Variants in SLC35F3 observed in about 807,000 individuals in gnomAD.
SLC35F3 encodes the protein solute carrier family 35 member F3.
Under a neutral mutation model 49.9 loss-of-function variants are expected in SLC35F3, and 25 were observed. That is an observed-to-expected ratio of 0.50 (90% CI 0.37 to 0.70). The LOEUF (loss-of-function observed/expected upper bound fraction) is 0.70, where lower values mean the gene tolerates loss of function less well. SLC35F3 is among the 30% of genes least tolerant of loss of function. SLC35F3 has a pLI of 0.00. For synonymous variants in SLC35F3, 275 were observed against 265.4 expected (o/e 1.04, Z -0.35); for missense variants, 525 against 639.8 (o/e 0.82, Z 1.94).
At chr1:234,193,824 G>T (rs931472060) in intron 2 of SLC35F3, among the ~76,000 whole-genome samples, 12 of 152,042 alleles carry the variant, frequency 7.9e-5, no homozygotes, top group Admixed American at 2.6e-4. Flanking sequence ...TATACAAATG[G>T]CCAACAAACA....
intron 2 of SLC35F3, among the ~76,000 whole-genome samples, chr1:233,993,670 C>T (rs770777432): frequency 1.3e-5 from 2 of 152,124 alleles, no homozygotes; most frequent in Admixed American, 6.5e-5. Context: ...GGGGCAGAGT[C>T]GAGCCCAGAG....
intron 3 of SLC35F3, among the ~76,000 whole-genome samples, chr1:234,298,609 C>A (rs969010953): frequency 6.6e-6 from 1 of 152,130 alleles, no homozygotes; most frequent in Non-Finnish European, 1.5e-5. Context: ...TTTTAAAATA[C>A]GTAAATTTCT....
intron 2 of SLC35F3, among the ~76,000 whole-genome samples, chr1:233,953,132 TC>T (rs1202892563): frequency 1.3e-5 from 2 of 152,014 alleles, no homozygotes; most frequent in Non-Finnish European, 2.9e-5. Context: ...GCCTGGGAGA[TC>T]AGCTGGAAAC....
At chr1:234,286,821 C>T (rs762890046) in intron 3 of SLC35F3, among the ~76,000 whole-genome samples, 4 of 152,090 alleles carry the variant, frequency 2.6e-5, no homozygotes, top group Non-Finnish European at 2.9e-5. Context: ...ATGACAAAGG[C>T]GGATTTCCTC....
chr1:233,912,497 A>G (rs991092626), intron 2 of SLC35F3, among the ~76,000 whole-genome samples: 1 of 151,988 alleles, frequency 6.6e-6, no homozygotes, highest in African/African-American at 2.4e-5. Context: ...AAACAAAGAA[A>G]CAAACAAACA....
At chr1:233,982,765 A>G (rs1663206358) in intron 2 of SLC35F3, among the ~76,000 whole-genome samples, 1 of 152,224 alleles carries the variant, frequency 6.6e-6, no homozygotes, top group Non-Finnish European at 1.5e-5. Context: ...TTGGCAATGA[A>G]CAAACATCAT....
At chr1:233,934,259 C>A (rs1043150752) in intron 2 of SLC35F3, among the ~76,000 whole-genome samples, 1 of 152,142 alleles carries the variant, frequency 6.6e-6, no homozygotes, top group South Asian at 2.1e-4. Flanking sequence ...AAACTGAGTG[C>A]CCCAGGGGTT....
At chr1:234,062,575 C>G (rs1000939542) in intron 2 of SLC35F3, among the ~76,000 whole-genome samples, 1 of 152,166 alleles carries the variant, frequency 6.6e-6, no homozygotes, top group African/African-American at 2.4e-5. Context: ...TTGATTGTGC[C>G]CTTAGGCCTG....
rs1657349500 is a variant in SLC35F3 at position 234,311,313 on chromosome 1, A to G, written c.828+1993A>G. Among the ~76,000 whole-genome samples the G allele has an allele frequency of 2.0e-5, 3 of 152,174 alleles. No homozygotes were observed. The South Asian group carries it at 6.2e-4, about 31-fold the overall frequency. ...GATTCTCCTTGATAAACAGATGGAG[A>G]TTTAGTTCCAAGATAATATCTAACT... On this transcript the variant is annotated intron_variant, in intron 4 of 7. Transcript: ENST00000366618.
intron 2 of SLC35F3, among the ~76,000 whole-genome samples, chr1:234,090,967 T>C (rs1352734520): frequency 2.6e-5 from 4 of 152,228 alleles, no homozygotes; most frequent in African/African-American, 9.6e-5. Context: ...ACATATTTTC[T>C]TCAAGGGTTC....
intron 2 of SLC35F3, among the ~76,000 whole-genome samples, chr1:233,970,180 A>G (rs1388636233): frequency 6.6e-6 from 1 of 152,170 alleles, no homozygotes; most frequent in Non-Finnish European, 1.5e-5. Context: ...CTGGTGCACC[A>G]CTAATTGTGT....
intron 2 of SLC35F3, among the ~76,000 whole-genome samples, chr1:234,108,043 C>T (rs1475118809): frequency 2.0e-5 from 3 of 150,742 alleles, no homozygotes; most frequent in African/African-American, 7.3e-5. Context: ...CATAAGCCCC[C>T]TAAGGAAAAA....
At chr1:234,181,759 G>A (rs1209731312) in intron 2 of SLC35F3, among the ~76,000 whole-genome samples, 1 of 152,112 alleles carries the variant, frequency 6.6e-6, no homozygotes, top group Non-Finnish European at 1.5e-5. Context: ...TGCTTGCATT[G>A]TGACCTTATT....
intron 3 of SLC35F3, among the ~76,000 whole-genome samples, chr1:234,307,694 T>A (rs1020775926): frequency 1.4e-4 from 22 of 152,158 alleles, no homozygotes; most frequent in Non-Finnish European, 7.3e-5. Flanking sequence ...TGGGACTGAG[T>A]CTATTTCTAG....
chr1:234,075,890 T>TTC (rs1436401493), intron 2 of SLC35F3, among the ~76,000 whole-genome samples: 1 of 152,218 alleles, frequency 6.6e-6, no homozygotes, highest in Admixed American at 6.5e-5. Flanking sequence ...CCCTACCTGC[T>TTC]CCTTTTCTCC....
At chr1:234,178,991 C>T (rs1256384817) in intron 2 of SLC35F3, among the ~76,000 whole-genome samples, 1 of 152,138 alleles carries the variant, frequency 6.6e-6, no homozygotes, top group Non-Finnish European at 1.5e-5. Context: ...AAGCTGGACT[C>T]TCGTCTCCTT....
intron 2 of SLC35F3, among the ~76,000 whole-genome samples, chr1:234,161,498 T>C (rs1666226247): frequency 6.6e-6 from 1 of 152,146 alleles, no homozygotes; most frequent in South Asian, 2.1e-4. Flanking sequence ...CAGTGACTCA[T>C]GCCTGTAATC....
At chr1:234,140,002 A>AATAAAATAAAAAAAATAAAAAAAT in intron 2 of SLC35F3, among the ~76,000 whole-genome samples, 3 of 105,368 alleles carry the variant, frequency 2.8e-5, no homozygotes, top group African/African-American at 3.1e-5. Context: ...AATAAAATAA[A>AATAAAATAAAAAAAATAAAAAAAT]GTAAGTGACT....
intron 2 of SLC35F3, among the ~76,000 whole-genome samples, chr1:234,038,524 C>T (rs199658106): frequency 2.0e-5 from 3 of 152,136 alleles, no homozygotes; most frequent in African/African-American, 7.2e-5. Context: ...TTCTAGATCC[C>T]TGAGGAATCG....
Sources: gnomAD v4.1 joint callset for allele counts (sites outside exome capture counted in the v4.1 genomes callset) on GRCh38, gnomAD v4.1.1 for gene constraint, MANE v1.5 for transcripts, NCBI Gene and HGNC (gene_info 2026-07-23, HGNC 2026-07-21) for gene names.